Variants in CP observed in about 807,000 individuals in gnomAD.
CP encodes caeruloplasmin.
A neutral mutation model predicts 122.4 loss-of-function variants in CP; 64 were observed. The observed-to-expected ratio is 0.52, with a 90% confidence interval of 0.43 to 0.64. The LOEUF (loss-of-function observed/expected upper bound fraction) is 0.64, where lower values mean the gene tolerates loss of function less well. Among genes scored for constraint, CP ranks in the 30% least tolerant of loss-of-function variants. The pLI is 0.00. For missense variants in CP, 1,167 were observed against 1,284.4 expected (o/e 0.91, Z 1.40); for synonymous variants, 440 against 436.4 (o/e 1.01, Z -0.10).
intron 7 of CP, among the ~76,000 whole-genome samples, 162 bp downstream of exon 7, chr3:149,201,940 A>G (rs1317483539): frequency 2.0e-5 from 3 of 152,238 alleles, no homozygotes; most frequent in Non-Finnish European, 4.4e-5. Flanking sequence ...GGTAATTTAC[A>G]TTTGGAAAAG....
intron 5 of CP, 107 bp downstream of exon 5, chr3:149,207,256 T>G (rs1425767326): frequency 7.4e-7 from 1 of 1,345,018 alleles, no homozygotes; most frequent in Non-Finnish European, 1.1e-6. Context: ...AAAACTAAGA[T>G]GCCAGTTCAA....
At chr3:149,188,030 T>A in intron 10 of CP, 22 bp downstream of exon 10, 1 of 1,611,070 alleles carries the variant, frequency 6.2e-7, no homozygotes, top group Non-Finnish European at 8.5e-7. Flanking sequence ...CTTGGTAGAT[T>A]GGTGGATGAT....
At chr3:149,190,907 ACAGT>A (rs1269182170) in intron 9 of CP, among the ~76,000 whole-genome samples, 1 of 152,166 alleles carries the variant, frequency 6.6e-6, no homozygotes, top group African/African-American at 2.4e-5. Context: ...TAAATCAAAC[ACAGT>A]CAAATTCAGC....
At chr3:149,171,194 C>G (rs143498436), downstream of CP, among the ~76,000 whole-genome samples, 3,597 of 152,164 alleles carry the variant, frequency 0.024, 65 homozygotes, top group Middle Eastern at 0.034. Flanking sequence ...AGGAGAATCT[C>G]TTGGACCCAG....
Position 149,209,387 on chromosome 3 carries a change from G to GA in CP, c.608-4_608-3insT. ...TTCTTTTTCTTTATCTAGAGAATCTGGAGTTAAAGTTACTATTTTAGCAAG... is the reference window on the plus strand; with the variant it reads ...TTCTTTTTCTTTATCTAGAGAATCTGAGAGTTAAAGTTACTATTTTAGCAAG... On this transcript the variant is annotated splice_polypyrimidine_tract_variant and splice_region_variant and intron_variant, in intron 3 of 18. Coordinates refer to ENST00000264613, the MANE Select transcript of CP (RefSeq NM_000096.4). 3 of 1,612,394 alleles carry GA rather than the reference G, an allele frequency of 1.9e-6. No individual in the cohort carries two copies. The highest frequency in any genetic ancestry group is 2.5e-6 in the Non-Finnish European group (3 of 1,178,882).
At chr3:149,215,378 C>T (rs1481609554) in intron 1 of CP, among the ~76,000 whole-genome samples, 1 of 152,136 alleles carries the variant, frequency 6.6e-6, no homozygotes, top group Admixed American at 6.5e-5. Flanking sequence ...GGCTTTGTAA[C>T]TAATTTTTCT....
chr3:149,194,563 G>A (rs1157200416), intron 9 of CP, among the ~76,000 whole-genome samples: 2 of 151,618 alleles, frequency 1.3e-5, no homozygotes, highest in Non-Finnish European at 2.9e-5. Flanking sequence ...TTAAGTGATG[G>A]TATTACCATT....
chr3:149,221,665 T>C lies in CP; in HGVS notation c.128A>G (p.Lys43Arg), dbSNP rs781131871. 1.9e-6 allele frequency: 3 copies of C among 1,612,088 alleles called. No homozygotes were observed. Among genetic ancestry groups the C allele is most frequent in the Middle Eastern group, 1.7e-4 (1 of 6,046 alleles). ...WDYASDHGEK[K>R]LISVDTEHSN... Reference sequence around the variant, plus strand: ...GACTTACGTGTCAACAGAAATAAGTTTCTTTTCCCCATGGTCAGAGGCATA... The same window carrying C: ...GACTTACGTGTCAACAGAAATAAGTCTCTTTTCCCCATGGTCAGAGGCATA... Residue 43 changes from lysine (K) to arginine (R), a missense_variant, in exon 1 of 19, where the codon AAA (lysine) becomes AGA (arginine). By Grantham distance (26) the Lys-to-Arg change is conservative. Transcript: ENST00000264613.
At chr3:149,189,851 CA>C (rs1241490534) in intron 9 of CP, among the ~76,000 whole-genome samples, 1 of 151,270 alleles carries the variant, frequency 6.6e-6, no homozygotes, top group Non-Finnish European at 1.5e-5. Context: ...TAGTCAAGGA[CA>C]AAAAGTAAAA....
intron 13 of CP, among the ~76,000 whole-genome samples, chr3:149,182,802 G>T (rs1235084214): frequency 6.6e-6 from 1 of 151,926 alleles, no homozygotes; most frequent in South Asian, 2.1e-4. Flanking sequence ...AATTTTAAAA[G>T]TAAATAGCTG....
chr3:149,166,910 A>G (rs1033560262), intron 4 of CP: 2 of 766,594 alleles, frequency 2.6e-6, no homozygotes, highest in African/African-American at 3.4e-5. Flanking sequence ...ATGTGCTCTA[A>G]TATGGCATTC....
rs771715042 is a variant in CP at position 149,221,689 on chromosome 3, T to G, written c.104A>C (p.Tyr35Ser). 1 of 1,613,302 alleles carries G rather than the reference T, an allele frequency of 6.2e-7. No individual in the cohort carries two copies. ...TTTCTTTTCCCCATGGTCAGAGGCATAATCCCAAGTCGTTTCAATAATTCC... is the reference window on the plus strand; with the variant it reads ...TTTCTTTTCCCCATGGTCAGAGGCAGAATCCCAAGTCGTTTCAATAATTCC... ...YIGIIETTWDYASDHGEKKLI... is the reference protein window; with the variant it reads ...YIGIIETTWDSASDHGEKKLI... Residue 35 changes from tyrosine to serine, a missense_variant, in exon 1 of 19, where the codon TAT becomes TCT. By Grantham distance (144) the Tyr-to-Ser change is moderately radical (BLOSUM62 -2). Around this residue, in one of 2 missense-constraint regions of CP, gnomAD observed 642 missense variants for 627.3 expected, o/e 1.02. Transcript: ENST00000264613.
At chr3:149,220,940 TG>T (rs1728766735) in intron 1 of CP, among the ~76,000 whole-genome samples, 1 of 152,180 alleles carries the variant, frequency 6.6e-6, no homozygotes, top group African/African-American at 2.4e-5. Context: ...TGTTTTACTG[TG>T]TAGTGAATAT....
At chr3:149,177,671 G>GAATATTTTCAATATTTTCAATATTTC (rs1725504724) in intron 17 of CP, 169 bp downstream of exon 17, 1 of 743,144 alleles carries the variant, frequency 1.3e-6, no homozygotes. Context: ...ATTTTTTCCT[G>GAATATTTTCAATATTTTCAATATTTC]AATATTTTCA....
chr3:149,213,924 G>T (rs189560455), intron 1 of CP, among the ~76,000 whole-genome samples: 31 of 152,300 alleles, frequency 2.0e-4, no homozygotes, highest in African/African-American at 6.5e-4. Context: ...TGTTTCTTAA[G>T]TCTGAATATG....
intron 1 of CP, among the ~76,000 whole-genome samples, chr3:149,218,763 G>A (rs1210935720): frequency 6.6e-6 from 1 of 151,910 alleles, no homozygotes; most frequent in East Asian, 1.9e-4. Context: ...TATATTCTAG[G>A]TACTAGTGAC....
At chr3:149,169,558 T>C (rs974990906), downstream of CP, among the ~76,000 whole-genome samples, 1 of 152,194 alleles carries the variant, frequency 6.6e-6, no homozygotes, top group African/African-American at 2.4e-5. Context: ...GTTTCCCCTG[T>C]GCATTTTAGG....
chr3:149,214,233 T>C (rs1221918040), intron 1 of CP, among the ~76,000 whole-genome samples: 1 of 152,138 alleles, frequency 6.6e-6, no homozygotes, highest in Non-Finnish European at 1.5e-5. Context: ...ACCTCTGCGG[T>C]GGAGGCTATA....
intron 6 of CP, among the ~76,000 whole-genome samples, chr3:149,203,198 C>A (rs1025935315): frequency 6.6e-6 from 1 of 152,150 alleles, no homozygotes; most frequent in African/African-American, 2.4e-5. Context: ...TAAGCCACTG[C>A]GCCCGGCCCC....
Sources: allele counts gnomAD v4.1 joint callset (sites outside exome capture counted in the v4.1 genomes callset), GRCh38; gene constraint gnomAD v4.1.1; regional missense constraint gnomAD v4.1.1; transcripts MANE v1.5; gene names NCBI Gene and HGNC (gene_info 2026-07-23, HGNC 2026-07-21).